The following CACNB2 variants were observed in gnomAD, a reference collection of about 807,000 sequenced individuals.
The protein encoded by CACNB2 is voltage-dependent L-type calcium channel subunit beta-2.
A neutral mutation model predicts 73.3 loss-of-function variants in CACNB2; 42 were observed. The observed-to-expected ratio is 0.57, with a 90% CI of 0.45 to 0.74. The LOEUF (loss-of-function observed/expected upper bound fraction) is 0.74. CACNB2 is among the 30% of genes least tolerant of loss of function. The pLI is 0.00. For missense variants in CACNB2, 940 were observed against 853.0 expected, an observed-to-expected ratio of 1.10 and a Z score of -1.27; for synonymous variants, 348 against 310.3, an observed-to-expected ratio of 1.12 and a Z score of -1.28.
At chr10:18,247,757 G>A (rs1172009287) in intron 2 of CACNB2, among the ~76,000 whole-genome samples, 1 of 152,152 alleles carries the variant, frequency 6.6e-6, no homozygotes, top group Non-Finnish European at 1.5e-5. Context: ...CTCCCCCTCT[G>A]AGTTTCCATA....
chr10:18,140,534 G>C lies in CACNB2; in HGVS notation c.-203G>C. The C allele has an allele frequency of 6.1e-6, 2 of 327,884 alleles. No individual in the cohort carries two copies. The highest frequency in any genetic ancestry group is 9.8e-5 in the East Asian group (2 of 20,440). 20.3% of individuals were successfully genotyped at this position (327,884 alleles called of 1,614,324 possible). A position where few individuals can be genotyped will look rare whatever the true frequency, so the allele number is the denominator to read the frequency against. Reference sequence around the variant, plus strand: ...GCCTCCCGAGCGGCTCGCTTCGCCCGATGCCCCGGCCCCGTCCCGCGCACT... The same window carrying C: ...GCCTCCCGAGCGGCTCGCTTCGCCCCATGCCCCGGCCCCGTCCCGCGCACT... On this transcript the variant is annotated 5_prime_UTR_variant, in exon 1 of 14. Coordinates refer to ENST00000324631, the MANE Select transcript of CACNB2 (RefSeq NM_201596.3).
intron 2 of CACNB2, among the ~76,000 whole-genome samples, chr10:18,295,620 A>G (rs1028990352): frequency 5.9e-5 from 9 of 152,222 alleles, no homozygotes; most frequent in Admixed American, 2.0e-4. Context: ...CACTAATACC[A>G]TTTAAGAAAA....
At chr10:18,304,371 C>T (rs1294907344) in intron 2 of CACNB2, among the ~76,000 whole-genome samples, 2 of 152,108 alleles carry the variant, frequency 1.3e-5, no homozygotes, top group South Asian at 4.1e-4. Context: ...TATGTTTATA[C>T]CACCTAAGAG....
At position 18,347,344 on chromosome 10, in the gene CACNB2, A is replaced by ATTTT. The variant is rs201654242; in HGVS notation, c.214-54554_214-54551dup. Among the ~76,000 whole-genome samples the ATTTT allele has an allele frequency of 6.6e-3, 801 of 120,634 alleles. 32 individuals carry two copies. The highest frequency in any genetic ancestry group is 0.014 in the Middle Eastern group (3 of 216). 79.1% of individuals were successfully genotyped at this position (120,634 alleles called of 152,430 possible). A position where few individuals can be genotyped will look rare whatever the true frequency, so the allele number is the denominator to read the frequency against. On this transcript the variant is annotated intron_variant, in intron 2 of 13. Transcript: ENST00000324631. ...AGGCGCATGCCGCCATGCCCGTCTA[A>ATTTT]TTTTTTTTTTTTTTTTTTTTTTTTT...
chr10:18,158,495 G>A (rs1026775240), intron 2 of CACNB2, among the ~76,000 whole-genome samples: 14 of 152,048 alleles, frequency 9.2e-5, no homozygotes, highest in Admixed American at 2.0e-4. Context: ...TTCAATTCCC[G>A]TAGAAACTCT....
chr10:18,464,154 G>T (rs1490931374), intron 3 of CACNB2, among the ~76,000 whole-genome samples: 1 of 151,272 alleles, frequency 6.6e-6, no homozygotes, highest in African/African-American at 2.4e-5. Flanking sequence ...GACATCTCTT[G>T]CCAGTTCTTT....
At chr10:18,372,774 A>T (rs188655936) in intron 2 of CACNB2, among the ~76,000 whole-genome samples, 5 of 152,172 alleles carry the variant, frequency 3.3e-5, no homozygotes, top group Admixed American at 2.0e-4. Context: ...AGTTATTTAA[A>T]CTATCTGCAC....
chr10:18,525,779 C>A (rs940413425), intron 9 of CACNB2, among the ~76,000 whole-genome samples: 1 of 152,040 alleles, frequency 6.6e-6, no homozygotes, highest in African/African-American at 2.4e-5. Context: ...ACTTTTCTTA[C>A]TTTTCTTCTC....
chr10:18,331,804 T>C (rs1236193431), intron 2 of CACNB2, among the ~76,000 whole-genome samples: 1 of 152,180 alleles, frequency 6.6e-6, no homozygotes, highest in Non-Finnish European at 1.5e-5. Flanking sequence ...TACTCTTCAC[T>C]GTACTGAATG....
rs569810052 is a variant in CACNB2 at position 18,410,105 on chromosome 10, A to G, written c.333+8062A>G. On this transcript the variant is annotated intron_variant, in intron 3 of 13. Coordinates refer to ENST00000324631, the MANE Select transcript of CACNB2 (RefSeq NM_201596.3). ...TTACCTCCAGTTCCACCTCCTTGCC[A>G]GGGCCCTGCAGCTGCAATCAGCTTT... Among the ~76,000 whole-genome samples the G allele has an allele frequency of 5.3e-5, 8 of 152,132 alleles. No individual in the cohort carries two copies. The East Asian group carries it at 1.5e-3, about 29-fold the overall frequency.
chr10:18,522,946 T>C (rs896834754), intron 9 of CACNB2, among the ~76,000 whole-genome samples: 1 of 124,142 alleles, frequency 8.1e-6, no homozygotes, highest in Non-Finnish European at 1.7e-5. Flanking sequence ...GGAGAGAGAA[T>C]GAGGAAAACA....
Position 18,436,643 on chromosome 10 carries a change from G to A in CACNB2, c.333+34600G>A, listed in dbSNP as rs369489737. Among the ~76,000 whole-genome samples, 6 of 152,248 alleles carry A rather than the reference G, an allele frequency of 3.9e-5. No homozygotes were observed. The South Asian group carries it at 6.2e-4, about 16-fold the overall frequency. On this transcript the variant is annotated intron_variant, in intron 3 of 13. Transcript: ENST00000324631. ...TGTTTGTTTGTTTTTTAACTCAAAA[G>A]CACCTGAAAAAATAATCAGAGGTTT...
At chr10:18,452,376 C>T (rs2047058620) in intron 3 of CACNB2, among the ~76,000 whole-genome samples, 1 of 152,132 alleles carries the variant, frequency 6.6e-6, no homozygotes. Flanking sequence ...TGCAGTAAGT[C>T]ATGATGGTAC....
At chr10:18,420,254 A>C (rs908946581) in intron 3 of CACNB2, among the ~76,000 whole-genome samples, 2 of 152,128 alleles carry the variant, frequency 1.3e-5, no homozygotes, top group Non-Finnish European at 2.9e-5. Flanking sequence ...CTTTAAGTAG[A>C]AGTCTGTGTA....
At chr10:18,491,198 G>T (rs571296980) in intron 3 of CACNB2, among the ~76,000 whole-genome samples, 1 of 152,232 alleles carries the variant, frequency 6.6e-6, no homozygotes, top group African/African-American at 2.4e-5. Flanking sequence ...CCAAGAATCA[G>T]TTCTATTCAT....
intron 3 of CACNB2, among the ~76,000 whole-genome samples, chr10:18,483,006 G>T (rs1253213742): frequency 1.3e-5 from 2 of 151,978 alleles, no homozygotes; most frequent in African/African-American, 4.8e-5. Context: ...CCTTGTTTCG[G>T]CCCCTTCAAA....
intron 11 of CACNB2, among the ~76,000 whole-genome samples, chr10:18,535,584 AAC>A (rs2053485202): frequency 6.6e-6 from 1 of 152,048 alleles, no homozygotes; most frequent in African/African-American, 2.4e-5. Flanking sequence ...CATCCTGGCT[AAC>A]ACAGTGAAAC....
intron 2 of CACNB2, among the ~76,000 whole-genome samples, chr10:18,291,497 C>G (rs74491866): frequency 1.9e-3 from 295 of 152,322 alleles, no homozygotes; most frequent in African/African-American, 6.9e-3. Context: ...GATTCTGCCT[C>G]CATAGTGATC....
At chr10:18,195,477 G>A (rs1192097734) in intron 2 of CACNB2, among the ~76,000 whole-genome samples, 2 of 152,170 alleles carry the variant, frequency 1.3e-5, no homozygotes, top group Non-Finnish European at 1.5e-5. Flanking sequence ...GTGGGTCAAC[G>A]AGATTCACTT....
Sources: gnomAD v4.1 joint callset for allele counts (sites outside exome capture counted in the v4.1 genomes callset) on GRCh38, gnomAD v4.1.1 for gene constraint, MANE v1.5 for transcripts, NCBI Gene and HGNC (gene_info 2026-07-23, HGNC 2026-07-21) for gene names.